SH3GLB1: variants seen among roughly 807,000 people sequenced by gnomAD.
The protein encoded by SH3GLB1 is endophilin-B1.
SH3GLB1 carries 17 observed loss-of-function variants against 42.0 expected under a neutral mutation model. The ratio of observed to expected loss-of-function variants is 0.40; its 90% CI spans 0.28 to 0.61. The LOEUF (loss-of-function observed/expected upper bound fraction) is 0.61. SH3GLB1 is among the 20% of genes least tolerant of loss of function. The pLI, the probability that SH3GLB1 is intolerant of heterozygous loss-of-function variation, is 0.36. For synonymous variants in SH3GLB1, 132 were observed against 146.6 expected, an observed-to-expected ratio of 0.90 and a Z score of 0.72; for missense variants, 355 against 426.3, an observed-to-expected ratio of 0.83 and a Z score of 1.47.
chr1:86,740,522 T>G (rs1375032931), intron 7 of SH3GLB1, among the ~76,000 whole-genome samples: 2 of 152,208 alleles, frequency 1.3e-5, no homozygotes, highest in African/African-American at 2.4e-5. Context: ...ATTATAATAA[T>G]TAACTATGGA....
At chr1:86,725,481 T>A (rs1023834858) in intron 5 of SH3GLB1, among the ~76,000 whole-genome samples, 2 of 152,178 alleles carry the variant, frequency 1.3e-5, no homozygotes, top group Non-Finnish European at 2.9e-5. Context: ...TTCCAGAATT[T>A]GAAAATATCA....
intron 5 of SH3GLB1, among the ~76,000 whole-genome samples, chr1:86,729,447 T>A (rs1046733217): frequency 4.6e-5 from 7 of 152,156 alleles, no homozygotes; most frequent in African/African-American, 1.7e-4. Context: ...GAGAATGCAT[T>A]AATGTGTTTC....
chr1:86,704,857 C>T lies in SH3GLB1; in HGVS notation c.-43C>T. 7 of 1,433,278 alleles carry T rather than the reference C, an allele frequency of 4.9e-6. No individual in the cohort carries two copies. Among genetic ancestry groups the T allele is most frequent in the African/African-American group, 1.5e-5 (1 of 67,698 alleles). 88.8% of individuals were successfully genotyped at this position (1,433,278 alleles called of 1,614,324 possible). A position where few individuals can be genotyped will look rare whatever the true frequency, so the allele number is the denominator to read the frequency against. On this transcript the variant is annotated 5_prime_UTR_variant, in exon 1 of 9. Coordinates refer to ENST00000370558, the MANE Select transcript of SH3GLB1 (RefSeq NM_016009.5). ...CAGCCCGGCCGCGGCACCTCCGCCT[C>T]GCCGCCGCTAGGTCGGCCGGCTCCG...
chr1:86,722,840 A>T (rs1365503423), intron 4 of SH3GLB1, among the ~76,000 whole-genome samples, 167 bp downstream of exon 4: 1 of 152,206 alleles, frequency 6.6e-6, no homozygotes, highest in Non-Finnish European at 1.5e-5. Context: ...AAAATAAAAG[A>T]CTACTGAACA....
At chr1:86,704,998 G>C in intron 1 of SH3GLB1, 27 bp downstream of exon 1, 4 of 1,509,618 alleles carry the variant, frequency 2.6e-6, no homozygotes, top group Non-Finnish European at 3.6e-6. Flanking sequence ...GGGAAAAGGG[G>C]TGGCGGCGCC....
intron 7 of SH3GLB1, among the ~76,000 whole-genome samples, chr1:86,739,658 T>G (rs1382983137): frequency 6.6e-6 from 1 of 152,084 alleles, no homozygotes; most frequent in Non-Finnish European, 1.5e-5. Flanking sequence ...TAGCAATTTT[T>G]TGCTTGTTTT....
chr1:86,730,358 T>C, intron 5 of SH3GLB1: 1 of 985,402 alleles, frequency 1.0e-6, no homozygotes, highest in Non-Finnish European at 1.2e-6. Context: ...TTATACTAAG[T>C]GGTAATCTTA....
At chr1:86,726,669 ATTGTATT>A (rs1655212298) in intron 5 of SH3GLB1, among the ~76,000 whole-genome samples, 1 of 151,970 alleles carries the variant, frequency 6.6e-6, no homozygotes, top group Non-Finnish European at 1.5e-5. Context: ...CCTGATTTTA[ATTGTATT>A]TTTCCCCTAG....
intron 5 of SH3GLB1, among the ~76,000 whole-genome samples, chr1:86,729,069 C>A (rs888664468): frequency 3.9e-5 from 6 of 152,162 alleles, no homozygotes; most frequent in African/African-American, 1.4e-4. Context: ...TTATGGTATC[C>A]AATGTATATG....
chr1:86,724,111 A>G (rs1012817797), intron 4 of SH3GLB1, among the ~76,000 whole-genome samples: 13 of 144,932 alleles, frequency 9.0e-5, no homozygotes, highest in African/African-American at 3.3e-4. Context: ...CAATGTTTCA[A>G]TTATTTATTT....
intron 5 of SH3GLB1, among the ~76,000 whole-genome samples, chr1:86,724,886 A>T (rs796740345): frequency 0.015 from 1,540 of 101,648 alleles, 57 homozygotes; most frequent in African/African-American, 0.062. Flanking sequence ...AAAAAAAAAA[A>T]AAAAAAATAT....
Position 86,720,005 on chromosome 1 carries a change from A to C in SH3GLB1, c.343+370A>C, listed in dbSNP as rs866782110. 2.0e-5 allele frequency among the ~76,000 whole-genome samples: 3 copies of C among 151,612 alleles called. No individual in the cohort carries two copies. In the South Asian group the frequency reaches 6.2e-4, roughly 31 times the overall value. On this transcript the variant is annotated intron_variant, in intron 3 of 8. Transcript: ENST00000370558. ...AACGAGACTCTGTCTCAAAAAAAAAAAAAAAAAAAAAACATAGTAGTAGAA... is the reference window on the plus strand; with the variant it reads ...AACGAGACTCTGTCTCAAAAAAAAACAAAAAAAAAAAACATAGTAGTAGAA...
chr1:86,711,815 G>T (rs1378617127), intron 1 of SH3GLB1, among the ~76,000 whole-genome samples: 1 of 152,004 alleles, frequency 6.6e-6, no homozygotes, highest in African/African-American at 2.4e-5. Flanking sequence ...TTTGAGTCAA[G>T]GCAGTATTCT....
chr1:86,713,578 G>T (rs1333746412), intron 1 of SH3GLB1, among the ~76,000 whole-genome samples: 1 of 152,074 alleles, frequency 6.6e-6, no homozygotes, highest in African/African-American at 2.4e-5. Flanking sequence ...TCTTAACATA[G>T]TTCATATCAT....
chr1:86,742,463 A>G (rs1656106086), intron 8 of SH3GLB1, 27 bp downstream of exon 8: 1 of 1,536,750 alleles, frequency 6.5e-7, no homozygotes, highest in East Asian at 2.3e-5. Context: ...TGAGAAGGAA[A>G]ATATATCACG....
At chr1:86,708,673 G>C (rs1192445490) in intron 1 of SH3GLB1, among the ~76,000 whole-genome samples, 2 of 152,148 alleles carry the variant, frequency 1.3e-5, no homozygotes, top group Non-Finnish European at 2.9e-5. Flanking sequence ...AGTACCTCAA[G>C]ATGGTAAAAT....
At chr1:86,740,950 G>C (rs1656029828) in intron 7 of SH3GLB1, among the ~76,000 whole-genome samples, 1 of 151,942 alleles carries the variant, frequency 6.6e-6, no homozygotes, top group Non-Finnish European at 1.5e-5. Context: ...AATAGATGGA[G>C]AAAATGTAAT....
Position 86,743,264 on chromosome 1 carries a change from C to T in SH3GLB1, c.*29C>T. The T allele has an allele frequency of 6.7e-7, 1 of 1,486,744 alleles. No individual in the cohort carries two copies. Among genetic ancestry groups the T allele is most frequent in the Non-Finnish European group, 9.2e-7 (1 of 1,089,084 alleles). 92.1% of individuals were successfully genotyped at this position (1,486,744 alleles called of 1,614,324 possible). A position where few individuals can be genotyped will look rare whatever the true frequency, so the allele number is the denominator to read the frequency against. ...GGTGGACTATGGAAAGGTTGCCCATCATGACTTTGTATTTATATACAATTA... is the reference window on the plus strand; with the variant it reads ...GGTGGACTATGGAAAGGTTGCCCATTATGACTTTGTATTTATATACAATTA... On this transcript the variant is annotated 3_prime_UTR_variant, in exon 9 of 9. Coordinates refer to ENST00000370558, the MANE Select transcript of SH3GLB1 (RefSeq NM_016009.5).
chr1:86,706,670 C>T (rs1190932469), intron 1 of SH3GLB1, among the ~76,000 whole-genome samples: 4 of 152,066 alleles, frequency 2.6e-5, no homozygotes, highest in Admixed American at 2.6e-4. Context: ...TTTTGTTTGT[C>T]CTAGTGCTCA....
Sources: allele counts gnomAD v4.1 joint callset (sites outside exome capture counted in the v4.1 genomes callset), GRCh38; gene constraint gnomAD v4.1.1; transcripts MANE v1.5; gene names NCBI Gene and HGNC (gene_info 2026-07-23, HGNC 2026-07-21).